Variants in PDE10A observed in about 807,000 individuals in gnomAD.
The protein encoded by PDE10A is cAMP and cAMP-inhibited cGMP 3',5'-cyclic phosphodiesterase 10A.
In PDE10A, 39 loss-of-function variants were observed where a neutral mutation model predicts 97.7. The ratio of observed to expected loss-of-function variants is 0.40; its 90% CI spans 0.31 to 0.52. PDE10A has a LOEUF of 0.52. Ranked by LOEUF, PDE10A falls within the 20% of genes least tolerant of loss-of-function variation. The pLI, the probability that PDE10A is intolerant of heterozygous loss-of-function variation, is 0.56. For missense variants in PDE10A, 731 were observed against 1,047.8 expected (o/e 0.70, Z 4.17); for synonymous variants, 371 against 376.8 (o/e 0.98, Z 0.18).
chr6:165,691,114 C>A (rs1202865161), intron 1 of PDE10A, among the ~76,000 whole-genome samples: 1 of 94,620 alleles, frequency 1.1e-5, no homozygotes, highest in African/African-American at 4.2e-5. Context: ...TCTCCCCCCC[C>A]CCATCAGTGC....
chr6:165,632,980 C>T (rs1788703200), intron 1 of PDE10A, among the ~76,000 whole-genome samples: 1 of 151,870 alleles, frequency 6.6e-6, no homozygotes, highest in Non-Finnish European at 1.5e-5. Flanking sequence ...TCACCATCAC[C>T]TGTGTATTTT....
chr6:165,473,489 G>T (rs58734879), intron 3 of PDE10A, among the ~76,000 whole-genome samples: 6 of 152,236 alleles, frequency 3.9e-5, no homozygotes, highest in African/African-American at 1.4e-4. Flanking sequence ...AATAAGAAGA[G>T]AGTCCATGGA....
chr6:165,541,052 G>A (rs192924759), intron 2 of PDE10A, among the ~76,000 whole-genome samples: 18 of 152,320 alleles, frequency 1.2e-4, no homozygotes, highest in Admixed American at 1.1e-3. Flanking sequence ...AACATGAAGC[G>A]ATATATGATG....
intron 2 of PDE10A, among the ~76,000 whole-genome samples, chr6:165,506,871 C>T (rs1055940680): frequency 6.6e-6 from 1 of 152,142 alleles, no homozygotes; most frequent in East Asian, 1.9e-4. Flanking sequence ...CTTATCTCTT[C>T]GCCCTACTTT....
chr6:165,872,405 T>C (rs1365933453), intron 1 of PDE10A, among the ~76,000 whole-genome samples: 2 of 152,162 alleles, frequency 1.3e-5, no homozygotes, highest in African/African-American at 2.4e-5. Context: ...TGACGCCCAC[T>C]GAACATGTTG....
rs199897336 is a variant in PDE10A at position 165,530,515 on chromosome 6, TC to T, written c.994+12924del. ...CTACCTATTGAGTACTATGCTAACT[TC>T]CTACTGAGTACTATGCTCACTACCT... On this transcript the variant is annotated intron_variant, in intron 2 of 21. Transcript: ENST00000539869. Among the ~76,000 whole-genome samples, 747 of 152,202 alleles carry T rather than the reference TC, an allele frequency of 4.9e-3. 4 individuals carry two copies. The highest frequency in any genetic ancestry group is 0.017 in the African/African-American group (700 of 41,516).
At chr6:165,979,121 G>A (rs184230636) in intron 1 of PDE10A, among the ~76,000 whole-genome samples, 74 of 152,296 alleles carry the variant, frequency 4.9e-4, no homozygotes, top group African/African-American at 1.8e-3. Context: ...CTACGCAGAG[G>A]AGGGCTAGCT....
intron 3 of PDE10A, among the ~76,000 whole-genome samples, chr6:165,480,524 T>G (rs1403238414): frequency 1.3e-5 from 2 of 151,854 alleles, no homozygotes; most frequent in African/African-American, 4.8e-5. Context: ...CAGTCAAGGC[T>G]GAAGTGAGCT....
intron 5 of PDE10A, among the ~76,000 whole-genome samples, chr6:165,446,486 G>T (rs922247101): frequency 6.6e-6 from 1 of 152,162 alleles, no homozygotes; most frequent in African/African-American, 2.4e-5. Context: ...TAGCTATCTA[G>T]GTGGAATGCA....
intron 1 of PDE10A, among the ~76,000 whole-genome samples, chr6:165,969,029 A>G (rs1482910783): frequency 6.6e-6 from 1 of 152,234 alleles, no homozygotes; most frequent in Non-Finnish European, 1.5e-5. Flanking sequence ...CAAAAGAAGC[A>G]TTCCCATAAA....
intron 1 of PDE10A, among the ~76,000 whole-genome samples, chr6:165,900,015 G>C (rs1370456368): frequency 6.6e-6 from 1 of 152,216 alleles, no homozygotes; most frequent in Non-Finnish European, 1.5e-5. Context: ...AGGAGCCAAG[G>C]AGGCCATGAG....
chr6:165,336,349 T>C, intron 20 of PDE10A, 138 bp from the exon 21 acceptor site: 2 of 649,258 alleles, frequency 3.1e-6, no homozygotes, highest in East Asian at 5.4e-5. Context: ...CTGTATGTGA[T>C]ATCTGGGTTC....
intron 1 of PDE10A, among the ~76,000 whole-genome samples, chr6:165,611,982 A>G (rs1480071663): frequency 1.3e-5 from 2 of 152,158 alleles, no homozygotes; most frequent in African/African-American, 4.8e-5. Context: ...ATACATCCTC[A>G]TCTCCCTTGT....
chr6:165,696,447 T>C lies in PDE10A; in HGVS notation c.-614-152879A>G, dbSNP rs116024012. Among the ~76,000 whole-genome samples the C allele has an allele frequency of 4.5e-3, 686 of 152,320 alleles. 2 individuals carry two copies. The highest frequency in any genetic ancestry group is 0.016 in the African/African-American group (649 of 41,566). On this transcript the variant is annotated intron_variant, in intron 1 of 19. Transcript: ENST00000366882. ...GTCCAGCATATCGATGGACACTACC[T>C]GCCCATTAGTTGCTTAGTAGCCCCT...
intron 1 of PDE10A, among the ~76,000 whole-genome samples, chr6:165,719,894 C>T (rs1366222018): frequency 6.6e-6 from 1 of 152,198 alleles, no homozygotes; most frequent in African/African-American, 2.4e-5. Context: ...TTGGCTCAGG[C>T]TTGAGAGATA....
chr6:165,732,011 T>A (rs1424220578), intron 1 of PDE10A, among the ~76,000 whole-genome samples: 1 of 152,206 alleles, frequency 6.6e-6, no homozygotes, highest in African/African-American at 2.4e-5. Flanking sequence ...ATTACGAGTG[T>A]ACCCAGCCCT....
chr6:165,707,282 T>C (rs974561202), intron 1 of PDE10A, among the ~76,000 whole-genome samples: 1 of 152,152 alleles, frequency 6.6e-6, no homozygotes, highest in Non-Finnish European at 1.5e-5. Flanking sequence ...GGCAGCTTGG[T>C]CCTCTCCTCT....
chr6:165,549,593 G>A (rs370380046), intron 1 of PDE10A, among the ~76,000 whole-genome samples: 15 of 152,218 alleles, frequency 9.9e-5, no homozygotes, highest in East Asian at 9.7e-4. Context: ...CGAAGTGCTG[G>A]GATCACAGAC....
Position 165,328,930 on chromosome 6 carries a change from T to C in PDE10A, c.*4095A>G, listed in dbSNP as rs929800841. ...TGTATTGGCTAAATACTTATGCACATGTAAAAATCTCATGGCCATGCGCTG... is the reference window on the plus strand; with the variant it reads ...TGTATTGGCTAAATACTTATGCACACGTAAAAATCTCATGGCCATGCGCTG... On this transcript the variant is annotated 3_prime_UTR_variant, in exon 22 of 22. Transcript: ENST00000539869. 33 of 152,210 alleles carry C rather than the reference T, an allele frequency of 2.2e-4. No homozygotes were observed. Among genetic ancestry groups the C allele is most frequent in the Non-Finnish European group, 4.4e-5 (3 of 68,026 alleles). 9.4% of individuals were successfully genotyped at this position (152,210 alleles called of 1,614,324 possible). A position where few individuals can be genotyped will look rare whatever the true frequency, so the allele number is the denominator to read the frequency against.
Sources: allele counts gnomAD v4.1 joint callset (sites outside exome capture counted in the v4.1 genomes callset), GRCh38; gene constraint gnomAD v4.1.1; transcripts MANE v1.5; gene names NCBI Gene and HGNC (gene_info 2026-07-23, HGNC 2026-07-21).